Variants in SLC25A10 observed in about 807,000 individuals in gnomAD.
The protein encoded by SLC25A10 is mitochondrial dicarboxylate carrier.
SLC25A10 carries 32 observed loss-of-function variants against 40.4 expected under a neutral mutation model. The observed-to-expected ratio is 0.79, with a 90% CI of 0.60 to 1.06. SLC25A10 has a LOEUF of 1.06. SLC25A10 is among the 50% of genes least tolerant of loss of function. The pLI is 0.00. For missense variants in SLC25A10, 394 were observed against 402.6 expected, an observed-to-expected ratio of 0.98 and a Z score of 0.18; for synonymous variants, 181 against 171.1, an observed-to-expected ratio of 1.06 and a Z score of -0.45.
At chr17:81,715,205 G>C in intron 2 of SLC25A10, 133 bp downstream of exon 2, 2 of 1,371,846 alleles carry the variant, frequency 1.5e-6, no homozygotes, top group South Asian at 2.8e-5. Flanking sequence ...GTGACCCCAG[G>C]GTGCGCCTCC....
In SLC25A10 at chr17:81,712,476, C is replaced by T. The variant is rs2037401053; in HGVS notation, c.50C>T (p.Ser17Phe). ...CGCTGGTACTTCGGGGGGCTGGCCT[C>T]CTGCGGGGCCGCCTGCTGCACGCAC... is the stretch of plus-strand genomic sequence containing the variant. ...VSRWYFGGLA[S>F]CGAACCTHPL... Residue 17 changes from serine (S) to phenylalanine (F), a missense_variant, in exon 1 of 11, where the codon TCC becomes TTC. Ser to Phe is a radical substitution (Grantham distance 155). Transcript: ENST00000350690. 1.2e-5 allele frequency: 16 copies of T among 1,304,284 alleles called. No homozygotes were observed. Among genetic ancestry groups the T allele is most frequent in the African/African-American group, 4.6e-5 (3 of 65,032 alleles). 80.8% of individuals were successfully genotyped at this position (1,304,284 alleles called of 1,614,324 possible).
Position 81,720,811 on chromosome 17 carries a change from C to T in SLC25A10, c.*734C>T, listed in dbSNP as rs570971963. ...CTTCAGGGATTGTGCCTGCGTCCCTCGGGCACCTGGGCCCCCCCGCTTGGC... is the reference window on the plus strand; with the variant it reads ...CTTCAGGGATTGTGCCTGCGTCCCTTGGGCACCTGGGCCCCCCCGCTTGGC... On this transcript the variant is annotated 3_prime_UTR_variant, in exon 11 of 11. Coordinates refer to ENST00000350690, the MANE Select transcript of SLC25A10 (RefSeq NM_012140.5). The T allele has an allele frequency of 8.2e-5, 21 of 254,602 alleles. No homozygotes were observed. The highest frequency in any genetic ancestry group is 4.7e-4 in the African/African-American group (21 of 45,148). 15.8% of individuals were successfully genotyped at this position (254,602 alleles called of 1,614,324 possible).
intron 9 of SLC25A10, among the ~76,000 whole-genome samples, 182 bp downstream of exon 9, chr17:81,718,043 T>G (rs1406903701): frequency 6.6e-6 from 1 of 152,196 alleles, no homozygotes; most frequent in Admixed American, 6.5e-5. Context: ...GCCTTGTTTT[T>G]GTTTTTAGAG....
intron 5 of SLC25A10, among the ~76,000 whole-genome samples, chr17:81,716,290 C>G (rs2037484369): frequency 6.6e-6 from 1 of 152,156 alleles, no homozygotes; most frequent in Admixed American, 6.5e-5. Flanking sequence ...GTTTGCACCC[C>G]AGGGTGGTGA....
rs772921561 is a variant in SLC25A10, at chr17:81,717,905, G to A, written c.705+44G>A. On this transcript the variant is annotated intron_variant, in intron 9 of 10. Coordinates refer to ENST00000350690, the MANE Select transcript of SLC25A10 (RefSeq NM_012140.5). ...GTGCAGTTGGGCTGCACAGCCCAGC[G>A]AGTCCCCTCACCTCTCCGGGGGGTG... is the stretch of plus-strand genomic sequence containing the variant. The A allele has an allele frequency of 1.5e-5, 22 of 1,472,678 alleles. No individual in the cohort carries two copies. The Middle Eastern group carries it at 7.7e-4, about 52-fold the overall frequency. The allele number at this position is 1,472,678 out of a possible 1,614,324, so 91.2% of individuals were successfully genotyped here.
Position 81,712,328 on chromosome 17 carries a change from C to T in SLC25A10, c.-99C>T. The T allele has an allele frequency of 3.5e-6, 3 of 847,762 alleles. No homozygotes were observed. Among genetic ancestry groups the T allele is most frequent in the Non-Finnish European group, 4.6e-6 (3 of 657,996 alleles). The allele number at this position is 847,762 out of a possible 1,614,324, so 52.5% of individuals were successfully genotyped here. ...CGGGCGCGCGGGCGGCGCTTTGAAC[C>T]GGGCGCGGGGCGCGGGGCGCGGGGC... is the stretch of plus-strand genomic sequence containing the variant. On this transcript the variant is annotated 5_prime_UTR_variant, in exon 1 of 11. Transcript: ENST00000350690.
chr17:81,718,008 G>T, intron 9 of SLC25A10, 147 bp downstream of exon 9: 1 of 660,726 alleles, frequency 1.5e-6, no homozygotes, highest in Non-Finnish European at 2.7e-6. Flanking sequence ...TGCCTTGGGA[G>T]AGGGTTGTGC....
chr17:81,720,329 C>G lies in SLC25A10; in HGVS notation c.*252C>G, dbSNP rs1693779528. 11 of 1,426,712 alleles carry G rather than the reference C, an allele frequency of 7.7e-6. No individual in the cohort carries two copies. The highest frequency in any genetic ancestry group is 6.4e-6 in the Non-Finnish European group (7 of 1,095,794). The allele number at this position is 1,426,712 out of a possible 1,614,324, so 88.4% of individuals were successfully genotyped here. Reference sequence around the variant, plus strand: ...GGGCACTGCGTGGCCTTGCCCCTCTCCCGCTGGCAGCTCCTCAGGGGAACA... The same window carrying G: ...GGGCACTGCGTGGCCTTGCCCCTCTGCCGCTGGCAGCTCCTCAGGGGAACA... On this transcript the variant is annotated 3_prime_UTR_variant, in exon 11 of 11. Coordinates refer to ENST00000350690, the MANE Select transcript of SLC25A10 (RefSeq NM_012140.5).
intron 9 of SLC25A10, 115 bp from the exon 10 acceptor site, chr17:81,719,716 C>A: frequency 8.2e-7 from 1 of 1,224,140 alleles, no homozygotes; most frequent in Non-Finnish European, 1.2e-6. Flanking sequence ...CCCACACCCA[C>A]ACCCCACATT....
chr17:81,720,437 C>A lies in SLC25A10; in HGVS notation c.*360C>A. 1 of 1,365,506 alleles carries A rather than the reference C, an allele frequency of 7.3e-7. No homozygotes were observed. The highest frequency in any genetic ancestry group is 9.4e-7 in the Non-Finnish European group (1 of 1,065,572). 84.6% of individuals were successfully genotyped at this position (1,365,506 alleles called of 1,614,324 possible). A position where few individuals can be genotyped will look rare whatever the true frequency, so the allele number is the denominator to read the frequency against. On this transcript the variant is annotated 3_prime_UTR_variant, in exon 11 of 11. Transcript: ENST00000350690. ...TGCCTCCTGCCCCCGATGCCCAAAG[C>A]AGCATCTTCCAGCACTTTCCATCGA...
intron 1 of SLC25A10, among the ~76,000 whole-genome samples, chr17:81,712,866 G>T (rs1175566597): frequency 1.3e-5 from 2 of 152,240 alleles, no homozygotes; most frequent in African/African-American, 2.4e-5. Context: ...ATTCAAGAAC[G>T]CTCCTTCCGC....
chr17:81,717,513 G>T, intron 8 of SLC25A10, 22 bp downstream of exon 8: 1 of 1,612,890 alleles, frequency 6.2e-7, no homozygotes, highest in African/African-American at 1.3e-5. Flanking sequence ...GCATGGCTAG[G>T]GTGGGCGTCC....
At chr17:81,716,967 T>TGACTCACCCCTG in intron 6 of SLC25A10, 35 bp from the exon 7 acceptor site, 1 of 1,592,444 alleles carries the variant, frequency 6.3e-7, no homozygotes, top group Non-Finnish European at 8.6e-7. Flanking sequence ...CCTCACCCCT[T>TGACTCACCCCTG]GCCTCACCCC....
In SLC25A10 at chr17:81,716,047, G is replaced by A. The variant is rs201235464; in HGVS notation, c.416G>A (p.Arg139His). The change falls in exon 5 of 11, where the codon CGC becomes CAC. Residue 139 changes from arginine (R) to histidine (H), a missense_variant. Physicochemically the swap from Arg to His is conservative, Grantham distance 29 (BLOSUM62 0). Coordinates refer to ENST00000350690, the MANE Select transcript of SLC25A10 (RefSeq NM_012140.5). Reference sequence around the variant, plus strand: ...GTGAAGCTGCCCCAGGGTCAGCGGCGCAAGTGAGTCATGGGCGGCCTTCTC... The same window carrying A: ...GTGAAGCTGCCCCAGGGTCAGCGGCACAAGTGAGTCATGGGCGGCCTTCTC... The part of the protein sequence containing the change: ...NDVKLPQGQR[R>H]NYAHALDGLY... The A allele has an allele frequency of 3.7e-4, 596 of 1,597,834 alleles. 2 individuals carry two copies. The highest frequency in any genetic ancestry group is 4.8e-4 in the Non-Finnish European group (566 of 1,172,548).
At chr17:81,716,790 G>A (rs757919350) in intron 5 of SLC25A10, 22 bp from the exon 6 acceptor site, 1 of 1,600,922 alleles carries the variant, frequency 6.2e-7, no homozygotes, top group South Asian at 1.1e-5. Context: ...AGTCTCATGT[G>A]GTCATTCTGT....
intron 6 of SLC25A10, 39 bp from the exon 7 acceptor site, chr17:81,716,951 GCCTGGCCTCACC>G: frequency 2.7e-6 from 4 of 1,491,672 alleles, no homozygotes; most frequent in Non-Finnish European, 3.7e-6. Context: ...TGGGCCAGGT[GCCTGGCCTCACC>G]CCTTGCCTCA....
chr17:81,714,665 C>T (rs2037445681), intron 1 of SLC25A10, among the ~76,000 whole-genome samples: 1 of 152,218 alleles, frequency 6.6e-6, no homozygotes, highest in African/African-American at 2.4e-5. Flanking sequence ...CCTCAGTTTC[C>T]TCATCTGCAG....
At chr17:81,718,744 G>T (rs1240432045) in intron 9 of SLC25A10, among the ~76,000 whole-genome samples, 3 of 150,360 alleles carry the variant, frequency 2.0e-5, no homozygotes, top group Non-Finnish European at 4.4e-5. Context: ...GTCAGGAGTT[G>T]GAGACCAGCC....
intron 9 of SLC25A10, 139 bp downstream of exon 9, chr17:81,718,000 C>A (rs1646867683): frequency 3.0e-6 from 2 of 673,890 alleles, no homozygotes; most frequent in Admixed American, 4.5e-5. Flanking sequence ...ACAGCACTTG[C>A]CTTGGGAGAG....
Sources: allele counts gnomAD v4.1 joint callset (sites outside exome capture counted in the v4.1 genomes callset), GRCh38; gene constraint gnomAD v4.1.1; transcripts MANE v1.5; gene names NCBI Gene and HGNC (gene_info 2026-07-23, HGNC 2026-07-21).